The following ABCB4 variants were observed in gnomAD, a reference collection of about 807,000 sequenced individuals.
ABCB4 encodes the protein phosphatidylcholine translocator ABCB4.
In ABCB4, 76 loss-of-function variants were observed where a neutral mutation model predicts 145.7. The observed-to-expected ratio is 0.52, with a 90% CI of 0.43 to 0.63. The LOEUF (loss-of-function observed/expected upper bound fraction) is 0.63, where lower values mean the gene tolerates loss of function less well. Ranked by LOEUF, ABCB4 falls within the 30% of genes least tolerant of loss-of-function variation. ABCB4 has a pLI of 0.00. For synonymous variants in ABCB4, 517 were observed against 566.8 expected (o/e 0.91, Z 1.25); for missense variants, 1,234 against 1,553.1 (o/e 0.79, Z 3.45).
At chr7:87,414,173 C>T (rs1808814829) in intron 21 of ABCB4, among the ~76,000 whole-genome samples, 1 of 152,206 alleles carries the variant, frequency 6.6e-6, no homozygotes, top group Admixed American at 6.5e-5. Flanking sequence ...AAGCTGTCCA[C>T]CCACAATGGG....
intron 12 of ABCB4, among the ~76,000 whole-genome samples, chr7:87,442,512 G>A (rs535275016): frequency 2.6e-5 from 4 of 152,138 alleles, no homozygotes; most frequent in Middle Eastern, 3.4e-3. Flanking sequence ...AATATAGCTC[G>A]TGGACTTGTA....
At chr7:87,464,054 C>G (rs1315269151) in intron 3 of ABCB4, among the ~76,000 whole-genome samples, 1 of 151,964 alleles carries the variant, frequency 6.6e-6, no homozygotes, top group African/African-American at 2.4e-5. Context: ...TTTACTCTGC[C>G]CATTCCCCCC....
rs45455898 is a variant in ABCB4 at position 87,415,682 on chromosome 7, G to C, written c.2682+1630C>G. ...AGGACATGAGGACTAGAGAAGTTGGGGATCTTCTCCAGCCTCACACACTGT... is the reference window on the plus strand; with the variant it reads ...AGGACATGAGGACTAGAGAAGTTGGCGATCTTCTCCAGCCTCACACACTGT... On this transcript the variant is annotated intron_variant, in intron 21 of 27. Transcript: ENST00000649586. Among the ~76,000 whole-genome samples the C allele has an allele frequency of 5.5e-3, 838 of 152,194 alleles. 10 individuals carry two copies. Among genetic ancestry groups the C allele is most frequent in the African/African-American group, 0.019 (805 of 41,522 alleles).
Position 87,431,600 on chromosome 7 carries a change from A to G in ABCB4, c.1732-35T>C, listed in dbSNP as rs377269675. On this transcript the variant is annotated intron_variant, in intron 14 of 27. Coordinates refer to ENST00000649586, the MANE Select transcript of ABCB4 (RefSeq NM_000443.4). Reference sequence around the variant, plus strand: ...CAAAAATGTGGTGCATCAGGGTTACAGTATTGGCACACTGTCAATTAACAT... The same window carrying G: ...CAAAAATGTGGTGCATCAGGGTTACGGTATTGGCACACTGTCAATTAACAT... 1.5e-5 allele frequency: 25 copies of G among 1,613,452 alleles called. No homozygotes were observed. The East Asian group carries it at 2.2e-4, about 14-fold the overall frequency.
chr7:87,416,997 G>A (rs1809021171), intron 21 of ABCB4, among the ~76,000 whole-genome samples: 1 of 152,192 alleles, frequency 6.6e-6, no homozygotes, highest in Admixed American at 6.5e-5. Context: ...ATGAAGGTTT[G>A]TGAAACAGGG....
chr7:87,370,188 A>C, the ABCB4 span, among the ~76,000 whole-genome samples: 1 of 152,140 alleles, frequency 6.6e-6, no homozygotes, highest in African/African-American at 2.4e-5. Context: ...CTTCTAAAAA[A>C]TAATTTTTTT....
At chr7:87,458,390 T>C (rs1288762807) in intron 4 of ABCB4, among the ~76,000 whole-genome samples, 1 of 152,236 alleles carries the variant, frequency 6.6e-6, no homozygotes, top group East Asian at 1.9e-4. Context: ...TCACAATAAG[T>C]CATTGTCAGA....
In ABCB4 at chr7:87,447,033, C is replaced by T. The variant is rs1811389990; in HGVS notation, c.1005+1G>A. ...TCATAAATGTTAGGAGAACTACTTA[C>T]TGTCATTGCATTTCCAATAGTATAT... On this transcript the variant is annotated splice_donor_variant, in intron 9 of 27. Transcript: ENST00000649586. LOFTEE classifies it high-confidence loss of function. 1 of 1,610,458 alleles carries T rather than the reference C, an allele frequency of 6.2e-7. No homozygotes were observed.
At chr7:87,475,736 G>GC, upstream of ABCB4, 2 of 309,664 alleles carry the variant, frequency 6.5e-6, no homozygotes, top group East Asian at 5.8e-5. Flanking sequence ...CCCCGCCCCC[G>GC]CCCCCCACGC....
chr7:87,472,257 C>T (rs1813474766), intron 3 of ABCB4, among the ~76,000 whole-genome samples: 1 of 152,130 alleles, frequency 6.6e-6, no homozygotes, highest in Admixed American at 6.6e-5. Context: ...CTTGCTCTGC[C>T]ACCCAGGCTG....
chr7:87,468,703 C>T lies in ABCB4; in HGVS notation c.135+3918G>A, dbSNP rs555301011. ...ATCGCAGCACTTTGGGAGGCTGAGG[C>T]GGGCGGATCACAAGGTCAAGAGATC... On this transcript the variant is annotated intron_variant, in intron 3 of 27. Coordinates refer to ENST00000649586, the MANE Select transcript of ABCB4 (RefSeq NM_000443.4). Among the ~76,000 whole-genome samples the T allele has an allele frequency of 1.2e-4, 18 of 152,076 alleles. No homozygotes were observed. The South Asian group carries it at 1.2e-3, about 11-fold the overall frequency.
chr7:87,472,639 C>T lies in ABCB4; in HGVS notation c.117G>A (p.Met39Ile). The T allele has an allele frequency of 6.2e-7, 1 of 1,609,328 alleles. No homozygotes were observed. The highest frequency in any genetic ancestry group is 8.5e-7 in the Non-Finnish European group (1 of 1,175,814). The change falls in exon 3 of 28, where the codon ATG becomes ATA. Residue 39 changes from methionine to isoleucine, a missense_variant. By Grantham distance (10) the Met-to-Ile change is conservative. Coordinates refer to ENST00000649586, the MANE Select transcript of ABCB4 (RefSeq NM_000443.4). The stretch of plus-strand genomic sequence containing the variant: ...AGCTTACCAATGTTAATACTCCAAT[C>T]ATTTTCACTGTCTTCGTTTTTTTCC... The part of the protein sequence containing the change: ...QKRKKTKTVK[M>I]IGVLTLFRYS...
chr7:87,378,782 A>C, the ABCB4 span, among the ~76,000 whole-genome samples: 1 of 152,166 alleles, frequency 6.6e-6, no homozygotes, highest in Non-Finnish European at 1.5e-5. Context: ...CAACCTTGGA[A>C]TCTAGTGGGT....
chr7:87,447,802 A>G (rs1368894638), intron 8 of ABCB4, among the ~76,000 whole-genome samples: 1 of 152,230 alleles, frequency 6.6e-6, no homozygotes, highest in Non-Finnish European at 1.5e-5. Context: ...TACTTATGGA[A>G]TATGAGTTCT....
At chr7:87,452,694 T>A (rs1811827168) in intron 6 of ABCB4, 1 of 545,334 alleles carries the variant, frequency 1.8e-6, no homozygotes, top group African/African-American at 1.9e-5. Context: ...CAGTAGAAAG[T>A]TCCATGAGAA....
At chr7:87,445,620 G>GA (rs4148825) in intron 9 of ABCB4, among the ~76,000 whole-genome samples, 29,130 of 152,024 alleles carry the variant, frequency 0.19, 2,849 homozygotes, top group East Asian at 0.27. Flanking sequence ...ACTTAACTGA[G>GA]AAAAACATAA....
chr7:87,474,431 C>T (rs937617986), intron 2 of ABCB4, among the ~76,000 whole-genome samples: 2 of 152,166 alleles, frequency 1.3e-5, no homozygotes, highest in African/African-American at 4.8e-5. Flanking sequence ...GGTTACTGCA[C>T]AACCACATTA....
chr7:87,452,378 CTTTTTTT>C (rs528084596), intron 6 of ABCB4: 10 of 134,756 alleles, frequency 7.4e-5, no homozygotes, highest in Middle Eastern at 4.0e-3. Context: ...TTGCTTTTCC[CTTTTTTT>C]TTTTTTTTTT....
At chr7:87,470,154 C>A (rs1417294814) in intron 3 of ABCB4, among the ~76,000 whole-genome samples, 1 of 152,176 alleles carries the variant, frequency 6.6e-6, no homozygotes, top group Non-Finnish European at 1.5e-5. Context: ...GCTGGGAAAA[C>A]TGGCTAGCCA....
Sources: allele counts gnomAD v4.1 joint callset (sites outside exome capture counted in the v4.1 genomes callset), GRCh38; gene constraint gnomAD v4.1.1; transcripts MANE v1.5; gene names NCBI Gene and HGNC (gene_info 2026-07-23, HGNC 2026-07-21).